Variants in WWOX observed in about 807,000 individuals in gnomAD.
The protein encoded by WWOX is WW domain-containing oxidoreductase.
In WWOX, 69 loss-of-function variants were observed where a neutral mutation model predicts 46.2. That is an observed-to-expected ratio of 1.49 (90% CI 1.23 to 1.82). WWOX has a LOEUF of 1.82. Ranked by LOEUF, WWOX falls within the 40% of genes most tolerant of loss-of-function variation. The probability of loss-of-function intolerance (pLI) is 0.00; values close to 1 mark genes in which losing one functional copy is unlikely to be tolerated. For missense variants in WWOX, 919 were observed against 542.6 expected, an observed-to-expected ratio of 1.69 and a Z score of -6.89; for synonymous variants, 359 against 202.6, an observed-to-expected ratio of 1.77 and a Z score of -6.56.
chr16:78,377,763 A>G (rs1460998748), intron 5 of WWOX, among the ~76,000 whole-genome samples: 1 of 152,240 alleles, frequency 6.6e-6, no homozygotes, highest in Non-Finnish European at 1.5e-5. Context: ...ATTACTGTCT[A>G]AGCATTTTTA....
At chr16:78,102,097 G>A (rs529229069) in intron 1 of WWOX, among the ~76,000 whole-genome samples, 29 of 152,226 alleles carry the variant, frequency 1.9e-4, no homozygotes, top group African/African-American at 6.7e-4. Context: ...ATTATTACAT[G>A]TTTTGTAGAA....
intron 8 of WWOX, among the ~76,000 whole-genome samples, chr16:78,556,642 G>A (rs1243419935): frequency 1.3e-5 from 2 of 152,108 alleles, no homozygotes; most frequent in African/African-American, 2.4e-5. Flanking sequence ...TCAACCAAAC[G>A]TACCGGTGTG....
chr16:78,696,906 C>T (rs2048111833), intron 8 of WWOX, among the ~76,000 whole-genome samples: 1 of 152,180 alleles, frequency 6.6e-6, no homozygotes, highest in African/African-American at 2.4e-5. Context: ...TAAGTGAAAA[C>T]ACACAGTGCT....
chr16:79,071,610 G>A (rs370209253), intron 8 of WWOX, among the ~76,000 whole-genome samples: 1 of 152,172 alleles, frequency 6.6e-6, no homozygotes, highest in Non-Finnish European at 1.5e-5. Context: ...CCCATTACAC[G>A]CTCAGGCTTG....
chr16:78,391,031 T>G (rs1256162870), intron 6 of WWOX, among the ~76,000 whole-genome samples: 2 of 152,176 alleles, frequency 1.3e-5, no homozygotes, highest in Non-Finnish European at 2.9e-5. Context: ...ATAGGCAGCA[T>G]ATTGTGTAGT....
At position 78,264,008 on chromosome 16, in the gene WWOX, TTTTTTTTG is replaced by T. The variant is rs904459356; in HGVS notation, c.516+99728_516+99735del. On this transcript the variant is annotated intron_variant, in intron 5 of 8. Transcript: ENST00000566780. ...TTGGCTGTGAAATCTTTTTTTTTTT[TTTTTTTTG>T]TTTTTTTGCTGTGGAGCGCAAAATG... is the stretch of plus-strand genomic sequence containing the variant. Among the ~76,000 whole-genome samples the T allele has an allele frequency of 2.7e-4, 38 of 139,122 alleles. 2 individuals carry two copies. The highest frequency in any genetic ancestry group is 5.2e-4 in the African/African-American group (19 of 36,526). 91.3% of individuals were successfully genotyped at this position (139,122 alleles called of 152,430 possible).
intron 8 of WWOX, among the ~76,000 whole-genome samples, chr16:79,198,347 A>C (rs1325755889): frequency 2.0e-5 from 3 of 152,180 alleles, no homozygotes; most frequent in Non-Finnish European, 4.4e-5. Flanking sequence ...AAAAGAGAAA[A>C]GTAAAGAAAA....
intron 8 of WWOX, among the ~76,000 whole-genome samples, chr16:78,475,857 A>T (rs1325302832): frequency 6.6e-6 from 1 of 152,142 alleles, no homozygotes; most frequent in Non-Finnish European, 1.5e-5. Flanking sequence ...AACCTCCCAA[A>T]ATGCTGCGAT....
In WWOX at chr16:78,573,028, C is replaced by T. The variant is rs112064558; in HGVS notation, c.1056+140276C>T. ...TATAGCCGGGCACGGTGGCTCACGC[C>T]TGTAATCCCAGCACTTTGGGAGGCC... On this transcript the variant is annotated intron_variant, in intron 8 of 8. Coordinates refer to ENST00000566780, the MANE Select transcript of WWOX (RefSeq NM_016373.4). 4.1e-4 allele frequency among the ~76,000 whole-genome samples: 63 copies of T among 152,312 alleles called. 1 individual carries two copies. The highest frequency in any genetic ancestry group is 1.4e-3 in the African/African-American group (58 of 41,570).
At chr16:78,797,309 T>A (rs982550507) in intron 8 of WWOX, among the ~76,000 whole-genome samples, 1 of 140,980 alleles carries the variant, frequency 7.1e-6, no homozygotes, top group Non-Finnish European at 1.5e-5. Context: ...AAGACTGTAT[T>A]GTATAATCAT....
At chr16:78,230,969 C>T (rs150721189) in intron 5 of WWOX, among the ~76,000 whole-genome samples, 1 of 152,250 alleles carries the variant, frequency 6.6e-6, no homozygotes, top group African/African-American at 2.4e-5. Context: ...TAACAGGTAT[C>T]TTTATCCCTT....
At chr16:78,405,328 A>G (rs1367398495) in intron 6 of WWOX, among the ~76,000 whole-genome samples, 1 of 151,942 alleles carries the variant, frequency 6.6e-6, no homozygotes, top group African/African-American at 2.4e-5. Context: ...AATAAAAAAA[A>G]ATTAATTAAA....
At chr16:78,960,675 A>G (rs1432185434) in intron 8 of WWOX, among the ~76,000 whole-genome samples, 1 of 152,186 alleles carries the variant, frequency 6.6e-6, no homozygotes, top group Non-Finnish European at 1.5e-5. Flanking sequence ...CATCAGGGAC[A>G]ATAGGTCCCT....
At chr16:78,722,304 G>A (rs995925313) in intron 8 of WWOX, among the ~76,000 whole-genome samples, 5 of 152,132 alleles carry the variant, frequency 3.3e-5, no homozygotes, top group African/African-American at 1.2e-4. Flanking sequence ...GTGACTTTGA[G>A]CATCTTTACT....
chr16:78,649,914 G>A (rs1387506833), intron 8 of WWOX, among the ~76,000 whole-genome samples: 1 of 152,166 alleles, frequency 6.6e-6, no homozygotes, highest in Non-Finnish European at 1.5e-5. Flanking sequence ...ATCTGTGTCT[G>A]TGTTTGGATC....
At chr16:78,148,007 T>A (rs1274642076) in intron 4 of WWOX, among the ~76,000 whole-genome samples, 1 of 151,934 alleles carries the variant, frequency 6.6e-6, no homozygotes, top group Admixed American at 6.6e-5. Flanking sequence ...TAAAGAACCC[T>A]GTCTCGAGCA....
chr16:78,651,146 G>T (rs17795073), intron 8 of WWOX, among the ~76,000 whole-genome samples: 1 of 152,162 alleles, frequency 6.6e-6, no homozygotes, highest in African/African-American at 2.4e-5. Flanking sequence ...GGATCAGAAG[G>T]CCACAAAGTT....
At chr16:78,470,673 G>C (rs971188731) in intron 8 of WWOX, among the ~76,000 whole-genome samples, 18 of 152,062 alleles carry the variant, frequency 1.2e-4, no homozygotes, top group African/African-American at 4.1e-4. Context: ...GGGATTACAG[G>C]CACGCCACCA....
At chr16:78,733,094 T>A (rs756377144) in intron 8 of WWOX, among the ~76,000 whole-genome samples, 8 of 152,214 alleles carry the variant, frequency 5.3e-5, no homozygotes, top group Non-Finnish European at 8.8e-5. Context: ...GCCTTTTTTG[T>A]CCCATTTGCT....
Sources: allele counts gnomAD v4.1 joint callset (sites outside exome capture counted in the v4.1 genomes callset), GRCh38; gene constraint gnomAD v4.1.1; transcripts MANE v1.5; gene names NCBI Gene and HGNC (gene_info 2026-07-23, HGNC 2026-07-21).